Variants in GMPS observed in about 807,000 individuals in gnomAD.
GMPS encodes GMP synthase [glutamine-hydrolyzing].
Under a neutral mutation model 77.9 loss-of-function variants are expected in GMPS, and 15 were observed. That is an observed-to-expected ratio of 0.19 (90% CI 0.13 to 0.30). The LOEUF (loss-of-function observed/expected upper bound fraction) is 0.30, where lower values mean the gene tolerates loss of function less well. Among genes scored for constraint, GMPS ranks in the 10% least tolerant of loss-of-function variants. The probability of loss-of-function intolerance (pLI) is 1.00; values close to 1 mark genes in which losing one functional copy is unlikely to be tolerated. For missense variants in GMPS, 590 were observed against 838.8 expected (o/e 0.70, Z 3.66); for synonymous variants, 224 against 275.9 (o/e 0.81, Z 1.86).
At chr3:155,931,715 T>A (rs1237508862) in intron 12 of GMPS, 50 bp from the exon 13 acceptor site, 7 of 700,538 alleles carry the variant, frequency 1.0e-5, no homozygotes, top group South Asian at 1.7e-5. Context: ...CAAGTTAAAC[T>A]GGTGTATCTT....
Position 155,940,745 on chromosome 3 carries a change from T to G in GMPS, c.*3053T>G, listed in dbSNP as rs1267362011. 4 of 221,190 alleles carry G rather than the reference T, an allele frequency of 1.8e-5. No individual in the cohort carries two copies. Among genetic ancestry groups the G allele is most frequent in the East Asian group, 6.7e-5 (1 of 14,994 alleles). The allele number at this position is 221,190 out of a possible 1,614,324, so 13.7% of individuals were successfully genotyped here. On this transcript the variant is annotated 3_prime_UTR_variant, in exon 16 of 16. Transcript: ENST00000496455. ...GAATGGAGAAGCTGGATAGTGTTTTTTTTTTTTTTTTTTAAGGTTCTTTTA... is the reference window on the plus strand; with the variant it reads ...GAATGGAGAAGCTGGATAGTGTTTTGTTTTTTTTTTTTTAAGGTTCTTTTA...
intron 1 of GMPS, among the ~76,000 whole-genome samples, chr3:155,873,992 G>A (rs1044235473): frequency 6.6e-6 from 1 of 152,092 alleles, no homozygotes; most frequent in Non-Finnish European, 1.5e-5. Context: ...CACCCGAACG[G>A]TATACACAAC....
intron 13 of GMPS, among the ~76,000 whole-genome samples, chr3:155,932,566 G>A (rs1455245845): frequency 6.6e-6 from 1 of 151,788 alleles, no homozygotes; most frequent in African/African-American, 2.4e-5. Context: ...ACCATATATA[G>A]TTCAAAAATT....
Position 155,916,211 on chromosome 3 carries a change from T to A in GMPS, c.1212+19T>A, listed in dbSNP as rs776525309. The A allele has an allele frequency of 6.5e-7, 1 of 1,541,946 alleles. No individual in the cohort carries two copies. The highest frequency in any genetic ancestry group is 8.9e-7 in the Non-Finnish European group (1 of 1,119,304). Reference sequence around the variant, plus strand: ...AGAGGAGGTAAAAGTTTATGAAAACTTTTTCATAAAGTAGATACATGGAAA... The same window carrying A: ...AGAGGAGGTAAAAGTTTATGAAAACATTTTCATAAAGTAGATACATGGAAA... On this transcript the variant is annotated intron_variant, in intron 9 of 15. Transcript: ENST00000496455.
intron 3 of GMPS, among the ~76,000 whole-genome samples, chr3:155,900,465 T>C (rs980741146): frequency 1.3e-5 from 2 of 150,824 alleles, no homozygotes; most frequent in Non-Finnish European, 2.9e-5. Flanking sequence ...GCACAACTTA[T>C]AGTTATATTA....
intron 12 of GMPS, 102 bp downstream of exon 12, chr3:155,925,468 G>A (rs1577531560): frequency 1.2e-6 from 1 of 845,214 alleles, no homozygotes; most frequent in Non-Finnish European, 1.8e-6. Flanking sequence ...GCAGTGGCGT[G>A]ATCTCAGCTC....
At chr3:155,873,042 C>T (rs1337569016) in intron 1 of GMPS, among the ~76,000 whole-genome samples, 1 of 152,194 alleles carries the variant, frequency 6.6e-6, no homozygotes, top group Non-Finnish European at 1.5e-5. Context: ...TACCACTGAA[C>T]CACCTTTCCC....
intron 13 of GMPS, among the ~76,000 whole-genome samples, chr3:155,933,075 C>A (rs1053966706): frequency 3.2e-4 from 49 of 152,080 alleles, no homozygotes; most frequent in African/African-American, 1.2e-3. Flanking sequence ...GCCTGTAGTC[C>A]CAGCTACTCG....
In GMPS at chr3:155,937,756, T is replaced by C; in HGVS notation, c.*64T>C. The C allele has an allele frequency of 1.3e-6, 1 of 791,476 alleles. No homozygotes were observed. Among genetic ancestry groups the C allele is most frequent in the Non-Finnish European group, 2.2e-6 (1 of 447,554 alleles). The allele number at this position is 791,476 out of a possible 1,614,324, so 49.0% of individuals were successfully genotyped here. Reference sequence around the variant, plus strand: ...AATTGATTAGAAATCATTCCCATTATTGACATGCAGTACTGTGAAAAGAGT... The same window carrying C: ...AATTGATTAGAAATCATTCCCATTACTGACATGCAGTACTGTGAAAAGAGT... On this transcript the variant is annotated 3_prime_UTR_variant, in exon 16 of 16. Coordinates refer to ENST00000496455, the MANE Select transcript of GMPS (RefSeq NM_003875.3).
intron 1 of GMPS, among the ~76,000 whole-genome samples, chr3:155,878,682 T>C: frequency 6.6e-6 from 1 of 152,260 alleles, no homozygotes; most frequent in South Asian, 2.1e-4. Context: ...AAATAGATAA[T>C]AGATATATAT....
chr3:155,913,209 C>A (rs1032902023), intron 7 of GMPS, among the ~76,000 whole-genome samples: 10 of 152,208 alleles, frequency 6.6e-5, no homozygotes, highest in Non-Finnish European at 1.5e-4. Flanking sequence ...CAGGAAAGAC[C>A]TACAAATTCA....
intron 1 of GMPS, among the ~76,000 whole-genome samples, chr3:155,889,593 A>G (rs368978939): frequency 1.3e-5 from 2 of 152,010 alleles, no homozygotes; most frequent in African/African-American, 4.8e-5. Flanking sequence ...GTCACCACCA[A>G]CTTGTATTTT....
At chr3:155,898,508 C>T (rs560016294) in intron 3 of GMPS, among the ~76,000 whole-genome samples, 3 of 152,342 alleles carry the variant, frequency 2.0e-5, no homozygotes, top group African/African-American at 7.2e-5. Flanking sequence ...ATCTAATCCA[C>T]AGACTCCTTC....
intron 4 of GMPS, among the ~76,000 whole-genome samples, chr3:155,905,745 A>G (rs1275422489): frequency 6.6e-6 from 1 of 152,200 alleles, no homozygotes; most frequent in Admixed American, 6.5e-5. Context: ...TTACAGGATA[A>G]CAGTTTCAGT....
At position 155,936,482 on chromosome 3, in the gene GMPS, C is replaced by A. The variant is rs1256120415; in HGVS notation, c.1952C>A (p.Ala651Glu). ...ITSDFMTGIP[A>E]TPGNEIPVEV... ...AGTGACTTCATGACTGGTATACCTGCAACACCTGGCAATGAGATCCCTGTA... is the reference window on the plus strand; with the variant it reads ...AGTGACTTCATGACTGGTATACCTGAAACACCTGGCAATGAGATCCCTGTA... Residue 651 changes from alanine (A) to glutamate (E), a missense_variant, in exon 15 of 16, where the codon GCA (alanine) becomes GAA (glutamate). By Grantham distance (107) the Ala-to-Glu change is moderately radical. Coordinates refer to ENST00000496455, the MANE Select transcript of GMPS (RefSeq NM_003875.3). 2 of 1,604,902 alleles carry A rather than the reference C, an allele frequency of 1.2e-6. No individual in the cohort carries two copies. Among genetic ancestry groups the A allele is most frequent in the Admixed American group, 1.7e-5 (1 of 60,010 alleles).
At chr3:155,929,991 C>G (rs1755568611) in intron 12 of GMPS, among the ~76,000 whole-genome samples, 1 of 149,686 alleles carries the variant, frequency 6.7e-6, no homozygotes, top group Non-Finnish European at 1.5e-5. Context: ...CAATGACTTT[C>G]TTCACAGAAT....
chr3:155,909,743 A>T (rs575505813), intron 5 of GMPS, among the ~76,000 whole-genome samples: 2 of 152,050 alleles, frequency 1.3e-5, no homozygotes, highest in East Asian at 3.9e-4. Context: ...TGAGCCCAGG[A>T]GTTCAACAGG....
intron 13 of GMPS, 105 bp downstream of exon 13, chr3:155,931,985 T>C (rs1312122462): frequency 3.4e-6 from 2 of 582,906 alleles, no homozygotes; most frequent in Non-Finnish European, 6.2e-6. Flanking sequence ...TAGATATAGG[T>C]AGGTCATGTA....
At position 155,940,883 on chromosome 3, in the gene GMPS, G is replaced by A. The variant is rs1755872173; in HGVS notation, c.*3191G>A. Reference sequence around the variant, plus strand: ...GACCACTTGGGGCATCTTCTGCTGTGAGATGACACTTGAAAAACACCCATC... The same window carrying A: ...GACCACTTGGGGCATCTTCTGCTGTAAGATGACACTTGAAAAACACCCATC... On this transcript the variant is annotated 3_prime_UTR_variant, in exon 16 of 16. Transcript: ENST00000496455. 1 of 215,652 alleles carries A rather than the reference G, an allele frequency of 4.6e-6. No homozygotes were observed. Among genetic ancestry groups the A allele is most frequent in the South Asian group, 1.9e-4 (1 of 5,388 alleles). 13.4% of individuals were successfully genotyped at this position (215,652 alleles called of 1,614,324 possible). A position where few individuals can be genotyped will look rare whatever the true frequency, so the allele number is the denominator to read the frequency against.
Sources: allele counts gnomAD v4.1 joint callset (sites outside exome capture counted in the v4.1 genomes callset), GRCh38; gene constraint gnomAD v4.1.1; transcripts MANE v1.5; gene names NCBI Gene and HGNC (gene_info 2026-07-23, HGNC 2026-07-21).